Variants in CCND3 observed in about 807,000 individuals in gnomAD.
CCND3 encodes the protein cyclin D3.
In CCND3, 9 loss-of-function variants were observed where a neutral mutation model predicts 28.7. The ratio of observed to expected loss-of-function variants is 0.31; its 90% CI spans 0.19 to 0.55. CCND3 has a LOEUF of 0.55. CCND3 is among the 20% of genes least tolerant of loss of function. The pLI is 0.93. For missense variants in CCND3, 315 were observed against 385.8 expected (o/e 0.82, Z 1.54); for synonymous variants, 164 against 163.9 (o/e 1.00, Z 0.00).
At chr6:41,986,360 C>T (rs1762480287) in intron 1 of CCND3, among the ~76,000 whole-genome samples, 2 of 113,932 alleles carry the variant, frequency 1.8e-5, no homozygotes, top group South Asian at 3.4e-4. Context: ...CTGTAGGTAA[C>T]GTCAGGTAAT....
chr6:42,045,242 A>G (rs1282241574), intron 1 of CCND3, among the ~76,000 whole-genome samples: 1 of 152,142 alleles, frequency 6.6e-6, no homozygotes, highest in East Asian at 1.9e-4. Context: ...AGGAAAGTCA[A>G]TGCTCAGACT....
Position 41,935,650 on chromosome 6 carries a change from T to C in CCND3, c.*290A>G, listed in dbSNP as rs1582079155. The C allele has an allele frequency of 4.1e-6, 2 of 488,614 alleles. No individual in the cohort carries two copies. The highest frequency in any genetic ancestry group is 8.0e-5 in the South Asian group (2 of 25,126). 30.3% of individuals were successfully genotyped at this position (488,614 alleles called of 1,614,324 possible). A position where few individuals can be genotyped will look rare whatever the true frequency, so the allele number is the denominator to read the frequency against. ...GGCGTTCAAAAGGAATGCTGGTGTA[T>C]GTATCCAATTCTGTCCCATCAGCCT... is the stretch of plus-strand genomic sequence containing the variant. On this transcript the variant is annotated 3_prime_UTR_variant, in exon 5 of 5. Transcript: ENST00000372991.
chr6:42,042,431 G>A (rs541368542), intron 1 of CCND3, among the ~76,000 whole-genome samples: 1 of 151,968 alleles, frequency 6.6e-6, no homozygotes, highest in South Asian at 2.1e-4. Context: ...CGCGATCTCG[G>A]CTCACCACAA....
chr6:41,951,557 CA>C (rs1776313070), intron 1 of CCND3, among the ~76,000 whole-genome samples: 1 of 71,386 alleles, frequency 1.4e-5, no homozygotes, highest in Non-Finnish European at 3.1e-5. Flanking sequence ...CACACACACA[CA>C]CACACACACA....
At chr6:42,016,394 T>A (rs1203876662) in intron 1 of CCND3, among the ~76,000 whole-genome samples, 2 of 152,068 alleles carry the variant, frequency 1.3e-5, no homozygotes, top group African/African-American at 4.8e-5. Flanking sequence ...CAGACAGGGG[T>A]TTGAATCTCT....
chr6:42,005,409 G>A (rs1443465841), intron 1 of CCND3, among the ~76,000 whole-genome samples: 2 of 151,868 alleles, frequency 1.3e-5, no homozygotes, highest in Non-Finnish European at 2.9e-5. Flanking sequence ...GGGCGTGGTG[G>A]TGCACGCCTG....
chr6:41,952,811 A>AGTGTGTGT (rs58133117), intron 1 of CCND3, among the ~76,000 whole-genome samples: 5,225 of 150,798 alleles, frequency 0.035, 174 homozygotes, highest in Admixed American at 0.1. Flanking sequence ...AGTGAGTGTG[A>AGTGTGTGT]GTGTGTGTGT....
intron 1 of CCND3, among the ~76,000 whole-genome samples, chr6:42,045,395 T>C (rs2127442730): frequency 6.6e-6 from 1 of 152,316 alleles, no homozygotes; most frequent in African/African-American, 2.4e-5. Context: ...AAATTGGAGA[T>C]AGAGGTGTTT....
chr6:42,044,292 G>A (rs1201252569), intron 1 of CCND3, among the ~76,000 whole-genome samples: 1 of 152,232 alleles, frequency 6.6e-6, no homozygotes, highest in Non-Finnish European at 1.5e-5. Context: ...TGATGGGCTG[G>A]GAGCAGAGGC....
intron 1 of CCND3, among the ~76,000 whole-genome samples, chr6:41,978,897 G>T (rs1284890592): frequency 1.3e-5 from 2 of 152,040 alleles, no homozygotes; most frequent in Non-Finnish European, 2.9e-5. Flanking sequence ...TATGATCCTG[G>T]CTGGGTGGGG....
chr6:41,977,449 C>T (rs1030320644), intron 1 of CCND3, among the ~76,000 whole-genome samples: 2 of 152,146 alleles, frequency 1.3e-5, no homozygotes, highest in African/African-American at 4.8e-5. Context: ...TCACTACAAC[C>T]TCCACCTCCC....
chr6:41,949,586 C>T (rs1047080195), intron 1 of CCND3, among the ~76,000 whole-genome samples: 4 of 151,126 alleles, frequency 2.6e-5, no homozygotes, highest in African/African-American at 9.7e-5. Context: ...GAGCGAGACT[C>T]CGTCTCAAAA....
At chr6:41,999,469 G>T (rs1762924107) in intron 1 of CCND3, among the ~76,000 whole-genome samples, 1 of 152,116 alleles carries the variant, frequency 6.6e-6, no homozygotes, top group Admixed American at 6.6e-5. Context: ...CTCCCAAAGT[G>T]CTGGGATTAC....
At chr6:42,026,906 A>T (rs1763891270) in intron 1 of CCND3, among the ~76,000 whole-genome samples, 1 of 152,148 alleles carries the variant, frequency 6.6e-6, no homozygotes, top group African/African-American at 2.4e-5. Flanking sequence ...CAACACCACC[A>T]AGGGGTCAGA....
chr6:41,955,177 C>T (rs1039672273), intron 1 of CCND3, among the ~76,000 whole-genome samples: 7 of 152,040 alleles, frequency 4.6e-5, no homozygotes, highest in African/African-American at 1.2e-4. Context: ...CTTACACAAA[C>T]GCTTTCAGAG....
rs148690864 is a variant in CCND3, at chr6:41,963,571, G to A, written c.-45-22986C>T. Among the ~76,000 whole-genome samples, 9 of 152,330 alleles carry A rather than the reference G, an allele frequency of 5.9e-5. No homozygotes were observed. In the South Asian group the frequency reaches 8.3e-4, roughly 14 times the overall value. Reference sequence around the variant, plus strand: ...CAAGTGAAGCTGGATACCAAGGCAGGCAATCAGCCATGCTGTCCTTGACAC... The same window carrying A: ...CAAGTGAAGCTGGATACCAAGGCAGACAATCAGCCATGCTGTCCTTGACAC... On this transcript the variant is annotated intron_variant, in intron 1 of 4. Coordinates refer to the CCND3 transcript ENST00000372988.
At chr6:42,021,797 G>C (rs1240826919) in intron 1 of CCND3, among the ~76,000 whole-genome samples, 1 of 152,194 alleles carries the variant, frequency 6.6e-6, no homozygotes, top group Non-Finnish European at 1.5e-5. Context: ...TGTGGGTAAA[G>C]GCCTGGAAAG....
Position 41,936,204 on chromosome 6 carries a change from TG to T in CCND3, c.712-98del. ...ACAGCTCCCAACACATGGGGAAGTC[TG>T]GGGAGGTTAGGCCACAGCCCGGCCC... On this transcript the variant is annotated intron_variant, in intron 4 of 4. Coordinates refer to ENST00000372991, the MANE Select transcript of CCND3 (RefSeq NM_001760.5). The surrounding 1 kb of genome is among the most constrained non-coding windows in gnomAD (Gnocchi z 4.4). The T allele has an allele frequency of 7.3e-7, 1 of 1,373,754 alleles. No homozygotes were observed. Among genetic ancestry groups the T allele is most frequent in the Non-Finnish European group, 9.8e-7 (1 of 1,017,970 alleles). 85.1% of individuals were successfully genotyped at this position (1,373,754 alleles called of 1,614,324 possible).
At chr6:42,027,283 CAAA>C (rs1290013767) in intron 1 of CCND3, among the ~76,000 whole-genome samples, 28 of 152,042 alleles carry the variant, frequency 1.8e-4, no homozygotes, top group Admixed American at 3.3e-4. Flanking sequence ...ACTAAAAATA[CAAA>C]AAAATTAGGC....
Sources: gnomAD v4.1 joint callset for allele counts (sites outside exome capture counted in the v4.1 genomes callset) on GRCh38, gnomAD v4.1.1 for gene constraint, Gnocchi (gnomAD v3.1) non-coding constraint, MANE v1.5 for transcripts, NCBI Gene and HGNC (gene_info 2026-07-23, HGNC 2026-07-21) for gene names.